NRXN1: variants seen among roughly 807,000 people sequenced by gnomAD.
The protein encoded by NRXN1 is neurexin-1.
Under a neutral mutation model 150.9 loss-of-function variants are expected in NRXN1, and 39 were observed. The observed-to-expected ratio is 0.26, with a 90% confidence interval of 0.20 to 0.34. NRXN1 has a LOEUF of 0.34. Ranked by LOEUF, NRXN1 falls within the 10% of genes least tolerant of loss-of-function variation. The pLI, the probability that NRXN1 is intolerant of heterozygous loss-of-function variation, is 1.00. For missense variants in NRXN1, 1,815 were observed against 1,949.9 expected (o/e 0.93, Z 1.30); for synonymous variants, 924 against 757.0 (o/e 1.22, Z -3.62).
At chr2:50,102,955 A>G (rs1409712081) in intron 18 of NRXN1, among the ~76,000 whole-genome samples, 1 of 152,102 alleles carries the variant, frequency 6.6e-6, no homozygotes. Flanking sequence ...AAAATATATT[A>G]TTTGCACAAA....
chr2:50,686,554 T>C (rs1691261064), intron 5 of NRXN1, among the ~76,000 whole-genome samples: 1 of 152,202 alleles, frequency 6.6e-6, no homozygotes, highest in South Asian at 2.1e-4. Flanking sequence ...CTTTAATAAA[T>C]GGAAGCAATT....
chr2:50,231,591 C>CTCATCAAA lies in NRXN1; in HGVS notation c.3546+5190_3546+5197dup, dbSNP rs1190638762. 4.6e-5 allele frequency among the ~76,000 whole-genome samples: 7 copies of CTCATCAAA among 152,206 alleles called. No individual in the cohort carries two copies. The East Asian group carries it at 7.8e-4, about 17-fold the overall frequency. The stretch of plus-strand genomic sequence containing the variant: ...TAAGGCAAAAATGTGCAACAATTCA[C>CTCATCAAA]TCATCAAATTTGCAATGCTCTTTTA... On this transcript the variant is annotated intron_variant, in intron 18 of 22. Coordinates refer to ENST00000401669, the MANE Select transcript of NRXN1 (RefSeq NM_001330078.2).
chr2:49,985,987 G>T (rs1680841169), intron 21 of NRXN1, among the ~76,000 whole-genome samples: 1 of 152,150 alleles, frequency 6.6e-6, no homozygotes, highest in Non-Finnish European at 1.5e-5. Context: ...ATAATTAAAA[G>T]TCCATCCTTT....
chr2:50,791,675 C>CGG (rs530678653), intron 5 of NRXN1, among the ~76,000 whole-genome samples: 279 of 152,170 alleles, frequency 1.8e-3, no homozygotes, highest in African/African-American at 6.5e-3. Flanking sequence ...TCCTCTGCAG[C>CGG]GTATTCAAAT....
chr2:50,540,499 G>GT (rs2093364148), intron 9 of NRXN1, among the ~76,000 whole-genome samples: 1 of 152,094 alleles, frequency 6.6e-6, no homozygotes, highest in Non-Finnish European at 1.5e-5. Flanking sequence ...AAATACCTAA[G>GT]AAGCGAATAA....
chr2:50,512,430 TTTTTGTTAATCACTATAAA>T (rs1470977526), intron 12 of NRXN1, among the ~76,000 whole-genome samples: 1 of 152,222 alleles, frequency 6.6e-6, no homozygotes, highest in Non-Finnish European at 1.5e-5. Flanking sequence ...GTTACAACTA[TTTTTGTTAATCACTATAAA>T]TTTTGTTAAT....
intron 21 of NRXN1, among the ~76,000 whole-genome samples, chr2:50,026,456 TTA>T (rs1260180257): frequency 1.3e-5 from 2 of 152,152 alleles, no homozygotes; most frequent in Non-Finnish European, 2.9e-5. Context: ...CTTCACATGG[TTA>T]TGTTTTATTA....
chr2:50,857,422 A>AT (rs1257118943), intron 5 of NRXN1, among the ~76,000 whole-genome samples: 2 of 152,040 alleles, frequency 1.3e-5, no homozygotes, highest in Non-Finnish European at 2.9e-5. Flanking sequence ...GGTGTGAAAA[A>AT]TTAGCTTCCA....
chr2:50,934,259 A>G (rs1255160823), intron 2 of NRXN1, among the ~76,000 whole-genome samples: 1 of 152,154 alleles, frequency 6.6e-6, no homozygotes, highest in Non-Finnish European at 1.5e-5. Flanking sequence ...TGAATAGAAG[A>G]AAAACATTTA....
chr2:50,423,169 C>T (rs2084136192), intron 17 of NRXN1, among the ~76,000 whole-genome samples: 1 of 152,102 alleles, frequency 6.6e-6, no homozygotes, highest in African/African-American at 2.4e-5. Context: ...CTTCTCTCAC[C>T]TGGAATTTTG....
intron 5 of NRXN1, among the ~76,000 whole-genome samples, chr2:50,753,333 A>G (rs1222523805): frequency 6.6e-6 from 1 of 151,928 alleles, no homozygotes; most frequent in African/African-American, 2.4e-5. Flanking sequence ...TTTTCAGGAA[A>G]TCTCAAATGG....
At chr2:50,065,014 A>G (rs1695149352) in intron 19 of NRXN1, among the ~76,000 whole-genome samples, 1 of 152,188 alleles carries the variant, frequency 6.6e-6, no homozygotes. Flanking sequence ...AGACAGCAGG[A>G]CTAGACCAGA....
At chr2:50,120,976 A>C (rs1156952186) in intron 18 of NRXN1, among the ~76,000 whole-genome samples, 1 of 152,188 alleles carries the variant, frequency 6.6e-6, no homozygotes, top group Non-Finnish European at 1.5e-5. Context: ...TTCACTAAGC[A>C]CTTACAATAT....
At chr2:50,053,684 T>C in intron 20 of NRXN1, 94 bp from the exon 21 acceptor site, 2 of 1,275,100 alleles carry the variant, frequency 1.6e-6, no homozygotes, top group Non-Finnish European at 2.2e-6. Context: ...GGGTGAATAA[T>C]GAGAGCAATA....
intron 19 of NRXN1, among the ~76,000 whole-genome samples, chr2:50,078,374 C>CAAA (rs5831077): frequency 6.8e-6 from 1 of 147,458 alleles, no homozygotes; most frequent in African/African-American, 2.5e-5. Flanking sequence ...ACTCTTATTT[C>CAAA]AAAAAAAAAA....
chr2:50,996,918 G>A (rs1699388317), intron 2 of NRXN1, among the ~76,000 whole-genome samples: 1 of 152,068 alleles, frequency 6.6e-6, no homozygotes, highest in South Asian at 2.1e-4. Flanking sequence ...GCCCACATGA[G>A]TGGGCTCACA....
At chr2:50,698,147 T>C (rs1001592798) in intron 5 of NRXN1, among the ~76,000 whole-genome samples, 5 of 152,264 alleles carry the variant, frequency 3.3e-5, no homozygotes, top group Non-Finnish European at 5.9e-5. Flanking sequence ...GTTTGTCCTG[T>C]ACTTCCCACC....
At chr2:50,413,054 A>C (rs10204921) in intron 17 of NRXN1, among the ~76,000 whole-genome samples, 31,914 of 152,158 alleles carry the variant, frequency 0.21, 4,012 homozygotes, top group East Asian at 0.43. Context: ...CACTACAAGC[A>C]CAGACAACCA....
intron 17 of NRXN1, among the ~76,000 whole-genome samples, chr2:50,280,986 T>C (rs1487380123): frequency 6.6e-6 from 1 of 152,060 alleles, no homozygotes; most frequent in Non-Finnish European, 1.5e-5. Flanking sequence ...CAAGGAAAAC[T>C]GTATTTTTAT....
Sources: allele counts gnomAD v4.1 joint callset (sites outside exome capture counted in the v4.1 genomes callset), GRCh38; gene constraint gnomAD v4.1.1; transcripts MANE v1.5; gene names NCBI Gene and HGNC (gene_info 2026-07-23, HGNC 2026-07-21).